The following MYO1F variants were observed in gnomAD, a reference collection of about 807,000 sequenced individuals.
MYO1F encodes the protein unconventional myosin-If.
In MYO1F, 60 loss-of-function variants were observed where a neutral mutation model predicts 146.6. The ratio of observed to expected loss-of-function variants is 0.41; its 90% confidence interval spans 0.33 to 0.51. The LOEUF (loss-of-function observed/expected upper bound fraction) is 0.51, where lower values mean the gene tolerates loss of function less well. MYO1F is among the 20% of genes least tolerant of loss of function. The pLI, the probability that MYO1F is intolerant of heterozygous loss-of-function variation, is 0.25. For synonymous variants in MYO1F, 602 were observed against 602.1 expected, an observed-to-expected ratio of 1.00 and a Z score of 0.00; for missense variants, 1,274 against 1,534.3, an observed-to-expected ratio of 0.83 and a Z score of 2.83.
At chr19:8,531,998 A>G (rs892409543) in intron 19 of MYO1F, among the ~76,000 whole-genome samples, 36 of 152,190 alleles carry the variant, frequency 2.4e-4, no homozygotes, top group African/African-American at 8.7e-4. Flanking sequence ...CATGCCTGTC[A>G]TCCCAGCTAC....
intron 16 of MYO1F, among the ~76,000 whole-genome samples, chr19:8,538,654 CA>C: frequency 6.7e-6 from 1 of 149,298 alleles, no homozygotes; most frequent in Non-Finnish European, 1.5e-5. Context: ...AGGGTGCAAT[CA>C]TGGTTCACTG....
chr19:8,568,808 C>T (rs1047415366), intron 1 of MYO1F, among the ~76,000 whole-genome samples: 1 of 152,064 alleles, frequency 6.6e-6, no homozygotes, highest in African/African-American at 2.4e-5. Context: ...GTAGTCTTAG[C>T]TATCCGGGAG....
At chr19:8,551,679 AG>A in intron 8 of MYO1F, 60 bp downstream of exon 8, 1 of 1,612,978 alleles carries the variant, frequency 6.2e-7, no homozygotes, top group Non-Finnish European at 8.5e-7. Flanking sequence ...TTTGTAACTC[AG>A]GAGGGTTTCT....
At chr19:8,575,118 C>T (rs1437668997) in intron 1 of MYO1F, among the ~76,000 whole-genome samples, 9 of 149,518 alleles carry the variant, frequency 6.0e-5, no homozygotes, top group Non-Finnish European at 1.3e-4. Context: ...GCTCTGTCGC[C>T]GAGGCTGTAG....
intron 27 of MYO1F, 98 bp from the exon 28 acceptor site, chr19:8,521,702 G>A: frequency 9.0e-7 from 1 of 1,114,314 alleles, no homozygotes; most frequent in Non-Finnish European, 1.3e-6. Flanking sequence ...TCCCTATGTT[G>A]TCCAGGCTGG....
chr19:8,571,328 C>T (rs924428682), intron 1 of MYO1F, among the ~76,000 whole-genome samples: 1 of 152,196 alleles, frequency 6.6e-6, no homozygotes, highest in African/African-American at 2.4e-5. Context: ...TGCGTCCATG[C>T]ACTGTGCAAA....
intron 25 of MYO1F, among the ~76,000 whole-genome samples, chr19:8,524,307 T>C (rs1221068438): frequency 1.4e-5 from 2 of 147,646 alleles, no homozygotes; most frequent in African/African-American, 5.1e-5. Flanking sequence ...TCCCAGCTAC[T>C]GGGGAGGCTG....
At chr19:8,553,051 C>T in intron 6 of MYO1F, 88 bp downstream of exon 6, 1 of 1,259,924 alleles carries the variant, frequency 7.9e-7, no homozygotes, top group South Asian at 1.2e-5. Context: ...CTTGTCTTGG[C>T]AATACGGGTG....
Position 8,550,671 on chromosome 19 carries a change from G to T in MYO1F, c.795C>A (p.Ile265=), listed in dbSNP as rs772816513. ...ETLSAMQVIG[I]PPSIQQLVLQ... is the part of the protein sequence containing the mutation. The stretch of plus-strand genomic sequence containing the variant: ...GGACCAGCTGCTGGATGCTGGGCGG[G>T]ATCCCAATAACCTGCATAGCACTCT... The change falls in exon 9 of 28, where the codon ATC becomes ATA. Residue 265 remains isoleucine, a synonymous_variant. Transcript: ENST00000644032. 6.2e-7 allele frequency: 1 copy of T among 1,614,122 alleles called. No homozygotes were observed. The highest frequency in any genetic ancestry group is 8.5e-7 in the Non-Finnish European group (1 of 1,180,030).
chr19:8,551,606 C>A, intron 8 of MYO1F, 134 bp downstream of exon 8: 1 of 1,329,524 alleles, frequency 7.5e-7, no homozygotes, highest in Non-Finnish European at 1.1e-6. Flanking sequence ...CCTGCCTCGG[C>A]CTCCCAAAGT....
chr19:8,543,916 T>C (rs1599956406), intron 14 of MYO1F, among the ~76,000 whole-genome samples: 1 of 100,670 alleles, frequency 9.9e-6, no homozygotes, highest in South Asian at 3.9e-4. Context: ...GTGGTGGTGG[T>C]GGTGGTGGTG....
Position 8,554,758 on chromosome 19 carries a change from A to C in MYO1F, c.142-15T>G. The stretch of plus-strand genomic sequence containing the variant: ...CCGATGTAGGTCTGAGGGATGGTTA[A>C]GGGTCGTGTGGTGTCCTGGTAGGTT... On this transcript the variant is annotated splice_polypyrimidine_tract_variant and intron_variant, in intron 2 of 27. Coordinates refer to ENST00000644032, the MANE Select transcript of MYO1F (RefSeq NM_012335.4). The C allele has an allele frequency of 1.2e-6, 2 of 1,613,120 alleles. No individual in the cohort carries two copies. The highest frequency in any genetic ancestry group is 1.7e-6 in the Non-Finnish European group (2 of 1,179,160).
At chr19:8,556,887 CA>C (rs534645939) in intron 1 of MYO1F, among the ~76,000 whole-genome samples, 3,131 of 68,530 alleles carry the variant, frequency 0.046, 40 homozygotes, top group East Asian at 0.18. Context: ...AACTCTGTCT[CA>C]AAAAAAAAAA....
chr19:8,553,892 A>ACTCTCTCTCTCTCT (rs569819927), intron 4 of MYO1F, among the ~76,000 whole-genome samples: 5,191 of 104,502 alleles, frequency 0.05, 151 homozygotes, highest in South Asian at 0.078. Context: ...ACACACACAC[A>ACTCTCTCTCTCTCT]CACTCTCTCT....
chr19:8,575,270 T>A (rs985094375), intron 1 of MYO1F, among the ~76,000 whole-genome samples: 58 of 151,506 alleles, frequency 3.8e-4, no homozygotes, highest in East Asian at 1.4e-3. Flanking sequence ...AGAGACGGGG[T>A]CTCACCACGT....
chr19:8,553,495 C>A, intron 4 of MYO1F, 58 bp from the exon 5 acceptor site: 2 of 1,417,786 alleles, frequency 1.4e-6, no homozygotes, highest in South Asian at 1.1e-5. Flanking sequence ...TTTTTAGTGC[C>A]TGACCATTCA....
In MYO1F at chr19:8,539,966, G is replaced by A; in HGVS notation, c.1673C>T (p.Thr558Ile). ...LDGDKKGRPS[T>I]AGSKIKKQAN... ...GCCCACCTTGATCTTGGAGCCGGCGGTGCTGGGGCGCCCCTTCTTGTCTCC... is the reference window on the plus strand; with the variant it reads ...GCCCACCTTGATCTTGGAGCCGGCGATGCTGGGGCGCCCCTTCTTGTCTCC... The change falls in exon 16 of 28, where the codon ACC becomes ATC. Residue 558 changes from threonine (T) to isoleucine (I), a missense_variant. Around this residue, in one of 2 missense-constraint regions of MYO1F, gnomAD observed 900 missense variants for 1,155.1 expected, o/e 0.78. Transcript: ENST00000644032. 6.2e-7 allele frequency: 1 copy of A among 1,612,624 alleles called. No individual in the cohort carries two copies. Among genetic ancestry groups the A allele is most frequent in the Non-Finnish European group, 8.5e-7 (1 of 1,179,248 alleles).
intron 16 of MYO1F, among the ~76,000 whole-genome samples, chr19:8,538,324 T>C (rs1419613157): frequency 6.8e-6 from 1 of 146,718 alleles, no homozygotes; most frequent in Non-Finnish European, 1.5e-5. Context: ...AGACAGGGTC[T>C]TGCTCTGTCA....
chr19:8,531,596 C>G (rs11882507), intron 19 of MYO1F, among the ~76,000 whole-genome samples: 2,676 of 152,202 alleles, frequency 0.018, 33 homozygotes, highest in African/African-American at 0.037. Context: ...CCTCCCTGTG[C>G]GTCTCTCCCC....
Sources: allele counts gnomAD v4.1 joint callset (sites outside exome capture counted in the v4.1 genomes callset), GRCh38; gene constraint gnomAD v4.1.1; regional missense constraint gnomAD v4.1.1; transcripts MANE v1.5; gene names NCBI Gene and HGNC (gene_info 2026-07-23, HGNC 2026-07-21).